PSME4: variants seen among roughly 807,000 people sequenced by gnomAD.
The protein encoded by PSME4 is proteasome activator subunit 4.
A neutral mutation model predicts 253.9 loss-of-function variants in PSME4; 89 were observed. The observed-to-expected ratio is 0.35, with a 90% CI of 0.30 to 0.42. The LOEUF (loss-of-function observed/expected upper bound fraction) is 0.42. Among genes scored for constraint, PSME4 ranks in the 10% least tolerant of loss-of-function variants. The pLI, the probability that PSME4 is intolerant of heterozygous loss-of-function variation, is 1.00. For missense variants in PSME4, 2,014 were observed against 2,195.2 expected (o/e 0.92, Z 1.65); for synonymous variants, 851 against 759.2 (o/e 1.12, Z -1.99).
chr2:53,929,144 C>G (rs1026557085), intron 10 of PSME4, among the ~76,000 whole-genome samples: 4 of 145,414 alleles, frequency 2.8e-5, no homozygotes, highest in Admixed American at 1.4e-4. Context: ...CCAGCCTGGG[C>G]GACAGAGCAA....
At chr2:53,950,181 G>T (rs1669909780) in intron 1 of PSME4, among the ~76,000 whole-genome samples, 1 of 152,044 alleles carries the variant, frequency 6.6e-6, no homozygotes, top group Non-Finnish European at 1.5e-5. Flanking sequence ...GTCGGGGGCT[G>T]AGGTGGGAGG....
chr2:53,937,142 G>A (rs1558701890), intron 5 of PSME4, among the ~76,000 whole-genome samples: 1 of 151,792 alleles, frequency 6.6e-6, no homozygotes, highest in Non-Finnish European at 1.5e-5. Context: ...CTGTTTTCCT[G>A]TTATTACCCC....
chr2:53,922,055 C>A lies in PSME4; in HGVS notation c.2046+462G>T, dbSNP rs188720447. ...GGCGTGGTGGCGGATGCCTGTAGTC[C>A]CAGCTACTTGGGAGGCTGAGGCAGG... On this transcript the variant is annotated intron_variant, in intron 17 of 46. Coordinates refer to ENST00000404125, the MANE Select transcript of PSME4 (RefSeq NM_014614.3). Among the ~76,000 whole-genome samples, 1,417 of 151,464 alleles carry A rather than the reference C, an allele frequency of 9.4e-3. 24 individuals are homozygous for A. Among genetic ancestry groups the A allele is most frequent in the African/African-American group, 0.032 (1,332 of 41,200 alleles).
chr2:53,884,185 A>G (rs1679528401), intron 41 of PSME4, among the ~76,000 whole-genome samples: 1 of 152,084 alleles, frequency 6.6e-6, no homozygotes, highest in Non-Finnish European at 1.5e-5. Context: ...AGGCTTGTCA[A>G]TGGTAACTTA....
chr2:53,865,490 T>A lies in PSME4; in HGVS notation c.*88A>T, dbSNP rs1313152263. The A allele has an allele frequency of 6.6e-6, 1 of 152,176 alleles. No individual in the cohort carries two copies. The highest frequency in any genetic ancestry group is 1.5e-5 in the Non-Finnish European group (1 of 68,046). 9.4% of individuals were successfully genotyped at this position (152,176 alleles called of 1,614,324 possible). A position where few individuals can be genotyped will look rare whatever the true frequency, so the allele number is the denominator to read the frequency against. ...TGATGAGAGCTCAGCAGAGGCAGTT[T>A]TAAAACTTGCAGAGAGCCACCACAG... On this transcript the variant is annotated 3_prime_UTR_variant, in exon 47 of 47. Transcript: ENST00000404125.
intron 21 of PSME4, 140 bp from the exon 22 acceptor site, chr2:53,908,980 T>C: frequency 1.8e-6 from 1 of 568,380 alleles, no homozygotes; most frequent in South Asian, 3.1e-5. Flanking sequence ...GTTGAATTAA[T>C]GGCTAGGCAT....
At chr2:53,903,719 G>C (rs1680517291) in intron 27 of PSME4, among the ~76,000 whole-genome samples, 1 of 152,156 alleles carries the variant, frequency 6.6e-6, no homozygotes. Context: ...CCTCAGGAAA[G>C]TCTGCTTCTT....
intron 10 of PSME4, among the ~76,000 whole-genome samples, chr2:53,931,072 G>C (rs1396425671): frequency 6.6e-6 from 1 of 152,218 alleles, no homozygotes; most frequent in Non-Finnish European, 1.5e-5. Flanking sequence ...GAGGTCAGGA[G>C]TTCGAAACCA....
intron 1 of PSME4, among the ~76,000 whole-genome samples, chr2:53,962,538 A>C (rs1376199525): frequency 2.6e-5 from 4 of 152,214 alleles, no homozygotes; most frequent in African/African-American, 7.2e-5. Flanking sequence ...CAGAACATCA[A>C]ACGGTACATT....
intron 2 of PSME4, 61 bp from the exon 3 acceptor site, chr2:53,948,598 A>G: frequency 9.9e-7 from 1 of 1,013,944 alleles, no homozygotes; most frequent in South Asian, 1.3e-5. Flanking sequence ...TGTGTATACC[A>G]CAAATACTAC....
rs557754828 is a variant in PSME4 at position 53,865,337 on chromosome 2, G to C, written c.*241C>G. ...TTCTAGTCTGAGACTTTGTGACTTT[G>C]TCAGATGCCTCAAAAAAAAAAAGTG... On this transcript the variant is annotated 3_prime_UTR_variant, in exon 47 of 47. Coordinates refer to ENST00000404125, the MANE Select transcript of PSME4 (RefSeq NM_014614.3). The C allele has an allele frequency of 1.3e-4, 18 of 143,876 alleles. No individual in the cohort carries two copies. Among genetic ancestry groups the C allele is most frequent in the African/African-American group, 4.3e-4 (17 of 39,912 alleles). The allele number at this position is 143,876 out of a possible 1,614,324, so 8.9% of individuals were successfully genotyped here. A position where few individuals can be genotyped will look rare whatever the true frequency, so the allele number is the denominator to read the frequency against.
At chr2:53,908,224 G>T in intron 24 of PSME4, 96 bp downstream of exon 24, 6 of 929,758 alleles carry the variant, frequency 6.5e-6, no homozygotes, top group Admixed American at 3.2e-5. Context: ...TTTCCTTTTA[G>T]GAAAACTTCT....
chr2:53,868,344 C>T (rs1443656563), intron 44 of PSME4, among the ~76,000 whole-genome samples: 2 of 150,868 alleles, frequency 1.3e-5, no homozygotes, highest in South Asian at 2.1e-4. Flanking sequence ...CCTAGCTACT[C>T]GGCTAACAGG....
chr2:53,896,665 T>G, intron 32 of PSME4, 139 bp downstream of exon 32: 1 of 638,180 alleles, frequency 1.6e-6, no homozygotes, highest in Non-Finnish European at 2.7e-6. Flanking sequence ...AGTCAACTGT[T>G]TCCTTCATAA....
intron 41 of PSME4, among the ~76,000 whole-genome samples, chr2:53,883,285 G>C (rs958085497): frequency 2.0e-5 from 3 of 152,178 alleles, no homozygotes; most frequent in Non-Finnish European, 2.9e-5. Flanking sequence ...AGGCTACGGT[G>C]GGAGGACCAT....
chr2:53,922,396 T>C lies in PSME4; in HGVS notation c.2046+121A>G. On this transcript the variant is annotated intron_variant, in intron 17 of 46. Coordinates refer to ENST00000404125, the MANE Select transcript of PSME4 (RefSeq NM_014614.3). Reference sequence around the variant, plus strand: ...CATATTCTGATCTTCTGAAGCCTCATCAAATTTCCAAAACTCTGACTTTTC... The same window carrying C: ...CATATTCTGATCTTCTGAAGCCTCACCAAATTTCCAAAACTCTGACTTTTC... 5.1e-6 allele frequency: 5 copies of C among 985,898 alleles called. No homozygotes were observed. In the South Asian group the frequency reaches 5.8e-5, roughly 11 times the overall value. The allele number at this position is 985,898 out of a possible 1,614,324, so 61.1% of individuals were successfully genotyped here.
In PSME4 at chr2:53,897,963, C is replaced by G. The variant is rs1680217995; in HGVS notation, c.3513G>C (p.Leu1171=). 6.2e-7 allele frequency: 1 copy of G among 1,613,322 alleles called. No individual in the cohort carries two copies. The highest frequency in any genetic ancestry group is 1.7e-5 in the Admixed American group (1 of 59,974). ...CTCGGTCATCTCTCAGCAGTAGAGA[C>G]AGAAGCCCAATGCCTATATGTTCAA... ...WKFEHIGIGL[L]SLLLRDDRVL... is the part of the protein sequence containing the mutation. Residue 1171 remains leucine, a synonymous_variant, in exon 31 of 47, where the codon CTG becomes CTC. Coordinates refer to ENST00000404125, the MANE Select transcript of PSME4 (RefSeq NM_014614.3).
intron 1 of PSME4, among the ~76,000 whole-genome samples, 181 bp from the exon 2 acceptor site, chr2:53,949,464 T>C (rs1165067868): frequency 1.4e-5 from 2 of 147,434 alleles, no homozygotes; most frequent in African/African-American, 5.0e-5. Flanking sequence ...TTTTTTTTTT[T>C]AACATTTCAT....
chr2:53,970,729 G>C lies in PSME4; in HGVS notation c.56C>G (p.Pro19Arg). The change falls in exon 1 of 47, where the codon CCC (proline) becomes CGC (arginine). Residue 19 changes from proline (P) to arginine (R), a missense_variant. Transcript: ENST00000404125. ...GACGAAGCCCCGCGGGCCCGGCTCG[G>C]GACGCCCGCCCGGCTCCGGGGGCTC... ...VGEPPEPGGR[P>R]EPGPRGFVPQ... is the part of the protein sequence containing the mutation. 6.5e-7 allele frequency: 1 copy of C among 1,547,602 alleles called. No homozygotes were observed. The highest frequency in any genetic ancestry group is 8.7e-7 in the Non-Finnish European group (1 of 1,145,958).
Sources: gnomAD v4.1 joint callset for allele counts (sites outside exome capture counted in the v4.1 genomes callset) on GRCh38, gnomAD v4.1.1 for gene constraint, MANE v1.5 for transcripts, NCBI Gene and HGNC (gene_info 2026-07-23, HGNC 2026-07-21) for gene names.